Variants in ELP2 observed in about 807,000 individuals in gnomAD.
The protein encoded by ELP2 is elongator acetyltransferase complex subunit 2, also known as elongator complex protein 2.
Under a neutral mutation model 119.2 loss-of-function variants are expected in ELP2, and 90 were observed. The observed-to-expected ratio is 0.75, with a 90% CI of 0.64 to 0.90. The LOEUF (loss-of-function observed/expected upper bound fraction) is 0.90. ELP2 is among the 40% of genes least tolerant of loss of function. ELP2 has a pLI of 0.00. For synonymous variants in ELP2, 339 were observed against 331.0 expected (o/e 1.02, Z -0.26); for missense variants, 921 against 967.8 (o/e 0.95, Z 0.64).
At position 36,158,871 on chromosome 18, in the gene ELP2, G is replaced by T; in HGVS notation, c.1501G>T (p.Ala501Ser). ...SDLPEGATVP[A>S]LGLSNKAVFQ... The stretch of plus-strand genomic sequence containing the variant: ...TCTTCCAGAAGGAGCCACTGTCCCT[G>T]CATTGGGATTATCAAATAAAGCTGT... Residue 501 changes from alanine to serine, a missense_variant, in exon 14 of 22, where the codon GCA becomes TCA. Physicochemically the swap from Ala to Ser is moderately conservative, Grantham distance 99 (BLOSUM62 1). Transcript: ENST00000358232. The T allele has an allele frequency of 6.2e-7, 1 of 1,611,716 alleles. No homozygotes were observed. Among genetic ancestry groups the T allele is most frequent in the East Asian group, 2.2e-5 (1 of 44,848 alleles).
chr18:36,164,775 C>A, intron 18 of ELP2, 108 bp downstream of exon 18: 1 of 1,105,054 alleles, frequency 9.0e-7, no homozygotes, highest in Non-Finnish European at 1.3e-6. Flanking sequence ...AGGGTAGAGC[C>A]TCATGTCTTT....
chr18:36,158,884 CAAAT>C lies in ELP2; in HGVS notation c.1518_1521del (p.Asn506LysfsTer8), dbSNP rs867944805. Reference sequence around the variant, plus strand: ...GCCACTGTCCCTGCATTGGGATTATCAAATAAAGCTGTCTTTCAGGGTAAGGCTT... The same window carrying C: ...GCCACTGTCCCTGCATTGGGATTATCAAAGCTGTCTTTCAGGGTAAGGCTT... On this transcript the variant is annotated frameshift_variant, in exon 14 of 22. Coordinates refer to ENST00000358232, the MANE Select transcript of ELP2 (RefSeq NM_018255.4). LOFTEE classifies it high-confidence loss of function. 15 of 1,611,302 alleles carry C rather than the reference CAAAT, an allele frequency of 9.3e-6. No homozygotes were observed. The highest frequency in any genetic ancestry group is 1.3e-5 in the Non-Finnish European group (15 of 1,177,638).
intron 11 of ELP2, among the ~76,000 whole-genome samples, chr18:36,149,229 A>G (rs1165354505): frequency 6.6e-6 from 1 of 152,174 alleles, no homozygotes; most frequent in African/African-American, 2.4e-5. Context: ...TAGAATTGCC[A>G]TTGTGTTGAT....
At chr18:36,165,659 A>G (rs925201742) in intron 18 of ELP2, among the ~76,000 whole-genome samples, 5 of 152,240 alleles carry the variant, frequency 3.3e-5, no homozygotes, top group African/African-American at 1.2e-4. Context: ...AGGTGGGCGG[A>G]TCACCTGAGG....
intron 21 of ELP2, among the ~76,000 whole-genome samples, chr18:36,171,609 C>G (rs2091084178): frequency 6.6e-6 from 1 of 152,320 alleles, no homozygotes; most frequent in African/African-American, 2.4e-5. Flanking sequence ...GGGCCTCATG[C>G]ATTTGCCACC....
At chr18:36,163,135 C>A (rs966783882) in intron 17 of ELP2, among the ~76,000 whole-genome samples, 1 of 152,026 alleles carries the variant, frequency 6.6e-6, no homozygotes, top group Non-Finnish European at 1.5e-5. Flanking sequence ...TTAGCTCCTG[C>A]TTGTAAGCAA....
chr18:36,150,610 G>GT (rs1184766571), intron 11 of ELP2, among the ~76,000 whole-genome samples: 1 of 152,212 alleles, frequency 6.6e-6, no homozygotes, highest in East Asian at 1.9e-4. Context: ...TCGAGGAGCT[G>GT]TTTCACAGAG....
At chr18:36,139,083 T>C (rs922528079) in intron 5 of ELP2, among the ~76,000 whole-genome samples, 22 of 152,176 alleles carry the variant, frequency 1.4e-4, no homozygotes, top group African/African-American at 5.1e-4. Context: ...TGATAGCCAT[T>C]GATAATTTAA....
At chr18:36,164,907 C>T (rs2090848881) in intron 18 of ELP2, 1 of 517,274 alleles carries the variant, frequency 1.9e-6, no homozygotes, top group African/African-American at 1.9e-5. Flanking sequence ...GGCATGCATT[C>T]AGATATCTCA....
At position 36,165,060 on chromosome 18, in the gene ELP2, A is replaced by G. The variant is rs368017044; in HGVS notation, c.1954+393A>G. The G allele has an allele frequency of 9.7e-5, 21 of 217,146 alleles. No individual in the cohort carries two copies. In the East Asian group the frequency reaches 2.4e-3, roughly 25 times the overall value. The allele number at this position is 217,146 out of a possible 1,614,324, so 13.5% of individuals were successfully genotyped here. The stretch of plus-strand genomic sequence containing the variant: ...AATGAAGATACAACTAAGAAAACTC[A>G]TGGTTGAGTGGTTTCTTCTCTCTGA... On this transcript the variant is annotated intron_variant, in intron 18 of 21. Coordinates refer to ENST00000358232, the MANE Select transcript of ELP2 (RefSeq NM_018255.4).
At position 36,158,833 on chromosome 18, in the gene ELP2, A is replaced by G. The variant is rs745660093; in HGVS notation, c.1465-2A>G. 6.3e-7 allele frequency: 1 copy of G among 1,579,852 alleles called. No individual in the cohort carries two copies. Among genetic ancestry groups the G allele is most frequent in the South Asian group, 1.1e-5 (1 of 90,230 alleles). On this transcript the variant is annotated splice_acceptor_variant, in intron 13 of 21. Transcript: ENST00000358232. LOFTEE classifies it high-confidence loss of function. ...ACTTAGATATTATATTTTCTATTCT[A>G]GCAAGATAGTGATCTTCCAGAAGGA... is the stretch of plus-strand genomic sequence containing the variant.
chr18:36,165,472 C>A (rs1442199865), intron 18 of ELP2, among the ~76,000 whole-genome samples: 1 of 152,190 alleles, frequency 6.6e-6, no homozygotes, highest in Non-Finnish European at 1.5e-5. Context: ...CTCTTTGTTT[C>A]TTGTGTTTTA....
At chr18:36,164,928 C>T (rs1164686787) in intron 18 of ELP2, 8 of 470,878 alleles carry the variant, frequency 1.7e-5, no homozygotes, top group Non-Finnish European at 3.1e-5. Flanking sequence ...GTTCAAGAAA[C>T]ATAAACATCT....
Position 36,178,226 on chromosome 18 carries a change from G to T in ELP2, c.*3585G>T, listed in dbSNP as rs1475335646. 5 of 152,288 alleles carry T rather than the reference G, an allele frequency of 3.3e-5. No homozygotes were observed. The highest frequency in any genetic ancestry group is 1.2e-4 in the African/African-American group (5 of 41,454). 9.4% of individuals were successfully genotyped at this position (152,288 alleles called of 1,614,324 possible). A position where few individuals can be genotyped will look rare whatever the true frequency, so the allele number is the denominator to read the frequency against. On this transcript the variant is annotated 3_prime_UTR_variant, in exon 22 of 22. Coordinates refer to ENST00000358232, the MANE Select transcript of ELP2 (RefSeq NM_018255.4). Reference sequence around the variant, plus strand: ...ACAGCAGAAGGAGGGCCAGGGTAGAGGTTTGGGCCTTGGCTCTGATGCTTG... The same window carrying T: ...ACAGCAGAAGGAGGGCCAGGGTAGATGTTTGGGCCTTGGCTCTGATGCTTG...
At chr18:36,166,324 T>TCTTTG (rs2090899412) in intron 18 of ELP2, among the ~76,000 whole-genome samples, 1 of 76,334 alleles carries the variant, frequency 1.3e-5, no homozygotes, top group Non-Finnish European at 2.8e-5. Context: ...TTAGGGTTTT[T>TCTTTG]TTTTTTTTTT....
intron 17 of ELP2, among the ~76,000 whole-genome samples, chr18:36,162,471 A>G (rs2090770117): frequency 6.6e-6 from 1 of 152,166 alleles, no homozygotes; most frequent in African/African-American, 2.4e-5. Flanking sequence ...TTCACTTATT[A>G]ATGGACATTT....
chr18:36,147,507 C>G (rs768545298), intron 11 of ELP2, among the ~76,000 whole-genome samples: 4 of 151,038 alleles, frequency 2.6e-5, no homozygotes, highest in African/African-American at 9.8e-5. Context: ...CTCCACCTTC[C>G]GGGTTCAAGT....
At chr18:36,139,743 C>A in intron 5 of ELP2, 2 of 656,652 alleles carry the variant, frequency 3.0e-6, no homozygotes, top group Non-Finnish European at 4.8e-6. Flanking sequence ...CTAGCAGAGT[C>A]ATCAGGGCTG....
At position 36,138,365 on chromosome 18, in the gene ELP2, A is replaced by T; in HGVS notation, c.384A>T (p.Thr128=). 6.2e-7 allele frequency: 1 copy of T among 1,614,100 alleles called. No individual in the cohort carries two copies. The highest frequency in any genetic ancestry group is 8.5e-7 in the Non-Finnish European group (1 of 1,179,994). The change falls in exon 4 of 22, where the codon ACA becomes ACT. Residue 128 remains threonine, a synonymous_variant. Coordinates refer to ENST00000358232, the MANE Select transcript of ELP2 (RefSeq NM_018255.4). ...GGACATCAGATCCTGCATTATGTAC[A>T]CTGATCGTTTCTGCAGCTGCAGATT... The part of the protein sequence containing the change: ...QRRTSDPALC[T]LIVSAAADSA...
Sources: allele counts gnomAD v4.1 joint callset (sites outside exome capture counted in the v4.1 genomes callset), GRCh38; gene constraint gnomAD v4.1.1; transcripts MANE v1.5; gene names NCBI Gene and HGNC (gene_info 2026-07-23, HGNC 2026-07-21).